The following SOX5 variants were observed in gnomAD, a reference collection of about 807,000 sequenced individuals.
SOX5 encodes SRY-box transcription factor 5.
In SOX5, 9 loss-of-function variants were observed where a neutral mutation model predicts 92.0. The observed-to-expected ratio is 0.10, with a 90% CI of 0.06 to 0.17. SOX5 has a LOEUF of 0.17. SOX5 is among the 10% of genes least tolerant of loss of function. SOX5 has a pLI of 1.00. For missense variants in SOX5, 642 were observed against 944.5 expected (o/e 0.68, Z 4.20); for synonymous variants, 344 against 336.3 (o/e 1.02, Z -0.25).
At chr12:24,172,589 G>A (rs1394605164) in intron 4 of SOX5, among the ~76,000 whole-genome samples, 2 of 152,118 alleles carry the variant, frequency 1.3e-5, no homozygotes, top group Non-Finnish European at 2.9e-5. Flanking sequence ...GGAAGTTTCA[G>A]TTTGGATCGG....
chr12:24,345,643 AAATT>A (rs375586813), intron 2 of SOX5, among the ~76,000 whole-genome samples: 131 of 152,338 alleles, frequency 8.6e-4, no homozygotes, highest in African/African-American at 2.5e-3. Context: ...GAAAAGTATA[AAATT>A]AATATTGATA....
At chr12:23,822,686 GTCTTGTTGA>G (rs1299114750) in intron 3 of SOX5, among the ~76,000 whole-genome samples, 2 of 152,116 alleles carry the variant, frequency 1.3e-5, no homozygotes, top group Non-Finnish European at 2.9e-5. Context: ...TTAATTTTCT[GTCTTGTTGA>G]TCTAATATTG....
At chr12:24,060,404 G>A (rs1939443705) in intron 4 of SOX5, among the ~76,000 whole-genome samples, 2 of 152,298 alleles carry the variant, frequency 1.3e-5, no homozygotes, top group South Asian at 4.1e-4. Flanking sequence ...GCAGGTGCAT[G>A]GGCTTTGGAA....
chr12:24,464,864 T>C (rs1428806593), intron 1 of SOX5, among the ~76,000 whole-genome samples: 1 of 152,230 alleles, frequency 6.6e-6, no homozygotes, highest in African/African-American at 2.4e-5. Flanking sequence ...CATGTTAACA[T>C]GATCACTGTA....
chr12:23,901,528 C>T (rs1336444522), intron 1 of SOX5, among the ~76,000 whole-genome samples: 3 of 152,194 alleles, frequency 2.0e-5, no homozygotes, highest in South Asian at 2.1e-4. Flanking sequence ...CCTTCTTCCT[C>T]TCTTCATTTA....
intron 1 of SOX5, among the ~76,000 whole-genome samples, chr12:24,546,374 T>G (rs950508486): frequency 6.6e-6 from 1 of 151,078 alleles, no homozygotes; most frequent in African/African-American, 2.4e-5. Context: ...AGTATGAGTT[T>G]CCCCATGGCC....
chr12:23,925,417 A>C (rs1939673150), intron 1 of SOX5, among the ~76,000 whole-genome samples: 1 of 151,964 alleles, frequency 6.6e-6, no homozygotes. Flanking sequence ...CTTCTGTAAT[A>C]CTCCTGTCTT....
At chr12:24,076,699 CTTTTTTTTT>C (rs11302877) in intron 4 of SOX5, among the ~76,000 whole-genome samples, 3 of 102,864 alleles carry the variant, frequency 2.9e-5, no homozygotes, top group South Asian at 6.9e-4. Context: ...CCAAAGCTGC[CTTTTTTTTT>C]TTTTTTTTTT....
intron 6 of SOX5, among the ~76,000 whole-genome samples, chr12:23,677,588 AC>A (rs1303035227): frequency 6.6e-6 from 1 of 152,086 alleles, no homozygotes; most frequent in Non-Finnish European, 1.5e-5. Context: ...GCAAAACAAA[AC>A]CTTTTTATTA....
intron 4 of SOX5, among the ~76,000 whole-genome samples, chr12:24,203,046 G>A (rs891441990): frequency 2.0e-5 from 3 of 152,106 alleles, no homozygotes; most frequent in Non-Finnish European, 4.4e-5. Flanking sequence ...TTACCAAATG[G>A]TGACTTTCTA....
intron 8 of SOX5, among the ~76,000 whole-genome samples, chr12:23,608,429 C>T (rs2075547468): frequency 6.6e-6 from 1 of 152,240 alleles, no homozygotes. Context: ...TTGATTACTT[C>T]GTGTCTTCCT....
At position 23,721,340 on chromosome 12, in the gene SOX5, C is replaced by T. The variant is rs187913383; in HGVS notation, c.810+13344G>A. ...CCTTAGGTGATCCACCAGCCTCAGC[C>T]TCCCAAAGCGCTGGGATTACAGGCA... is the stretch of plus-strand genomic sequence containing the variant. On this transcript the variant is annotated intron_variant, in intron 6 of 14. Transcript: ENST00000451604. Among the ~76,000 whole-genome samples the T allele has an allele frequency of 5.1e-3, 777 of 152,274 alleles. 7 individuals are homozygous for T. Among genetic ancestry groups the T allele is most frequent in the South Asian group, 0.019 (93 of 4,826 alleles).
At chr12:23,632,539 A>T (rs1319346041) in intron 8 of SOX5, among the ~76,000 whole-genome samples, 1 of 152,114 alleles carries the variant, frequency 6.6e-6, no homozygotes, top group African/African-American at 2.4e-5. Flanking sequence ...AAGCATATAA[A>T]GCCATGCTCA....
chr12:23,890,570 G>A (rs1463744116), intron 2 of SOX5, among the ~76,000 whole-genome samples: 1 of 151,882 alleles, frequency 6.6e-6, no homozygotes, highest in African/African-American at 2.4e-5. Context: ...CACCAAAACG[G>A]TCACCATAGA....
In SOX5 at chr12:23,846,266, C is replaced by T; in HGVS notation, c.271-73G>A. On this transcript the variant is annotated intron_variant, in intron 2 of 14. Coordinates refer to ENST00000451604, the MANE Select transcript of SOX5 (RefSeq NM_006940.6). ...AGCAAAAGGACAAATAATTGTTTAC[C>T]TGAAAGAGAAAGCAAAAGGACAAAT... 3 of 1,199,898 alleles carry T rather than the reference C, an allele frequency of 2.5e-6. No individual in the cohort carries two copies. In the South Asian group the frequency reaches 3.7e-5, roughly 15 times the overall value. The allele number at this position is 1,199,898 out of a possible 1,614,324, so 74.3% of individuals were successfully genotyped here.
intron 1 of SOX5, among the ~76,000 whole-genome samples, chr12:24,379,271 A>G (rs2136339227): frequency 6.6e-6 from 1 of 152,336 alleles, no homozygotes; most frequent in South Asian, 2.1e-4. Context: ...GGAAATGCCA[A>G]AAAGGCCAAA....
At chr12:24,481,541 T>C (rs1456193384) in intron 1 of SOX5, among the ~76,000 whole-genome samples, 1 of 152,170 alleles carries the variant, frequency 6.6e-6, no homozygotes, top group African/African-American at 2.4e-5. Context: ...CCCATAAATA[T>C]ATATACTTAC....
intron 9 of SOX5, among the ~76,000 whole-genome samples, chr12:23,585,081 A>G: frequency 6.6e-6 from 1 of 152,260 alleles, no homozygotes; most frequent in Middle Eastern, 3.4e-3. Flanking sequence ...AGTTTTTCCT[A>G]TTGTTTTTAA....
chr12:23,563,931 T>A (rs1410658832), intron 10 of SOX5, among the ~76,000 whole-genome samples: 1 of 152,188 alleles, frequency 6.6e-6, no homozygotes, highest in Non-Finnish European at 1.5e-5. Context: ...GAGTATTTTC[T>A]TCCTAAAAAT....
Sources: gnomAD v4.1 joint callset for allele counts (sites outside exome capture counted in the v4.1 genomes callset) on GRCh38, gnomAD v4.1.1 for gene constraint, MANE v1.5 for transcripts, NCBI Gene and HGNC (gene_info 2026-07-23, HGNC 2026-07-21) for gene names.